The following ERBB4 variants were observed in gnomAD, a reference collection of about 807,000 sequenced individuals.
ERBB4 encodes the protein receptor tyrosine-protein kinase erbB-4.
Under a neutral mutation model 158.0 loss-of-function variants are expected in ERBB4, and 42 were observed. The ratio of observed to expected loss-of-function variants is 0.27; its 90% CI spans 0.21 to 0.34. The LOEUF (loss-of-function observed/expected upper bound fraction) is 0.34. Ranked by LOEUF, ERBB4 falls within the 10% of genes least tolerant of loss-of-function variation. The probability of loss-of-function intolerance (pLI) is 1.00; values close to 1 mark genes in which losing one functional copy is unlikely to be tolerated. For synonymous variants in ERBB4, 583 were observed against 558.7 expected, an observed-to-expected ratio of 1.04 and a Z score of -0.61; for missense variants, 1,333 against 1,624.1, an observed-to-expected ratio of 0.82 and a Z score of 3.08.
chr2:211,548,151 T>G (rs1559283532), intron 20 of ERBB4, among the ~76,000 whole-genome samples: 1 of 152,066 alleles, frequency 6.6e-6, no homozygotes, highest in Non-Finnish European at 1.5e-5. Flanking sequence ...TTACTACCCT[T>G]TAAATATTGT....
chr2:212,162,170 G>A (rs1315995240), intron 1 of ERBB4, among the ~76,000 whole-genome samples: 1 of 151,574 alleles, frequency 6.6e-6, no homozygotes, highest in Non-Finnish European at 1.5e-5. Flanking sequence ...TAACAGCCTA[G>A]GTATAAATCA....
intron 1 of ERBB4, among the ~76,000 whole-genome samples, chr2:212,526,329 G>GA (rs1035602220): frequency 2.4e-4 from 37 of 151,994 alleles, no homozygotes; most frequent in Non-Finnish European, 4.6e-4. Context: ...AGTAAGCACA[G>GA]AAAAAAATAA....
chr2:212,090,192 C>G (rs2078730864), intron 2 of ERBB4, among the ~76,000 whole-genome samples: 1 of 151,446 alleles, frequency 6.6e-6, no homozygotes, highest in Non-Finnish European at 1.5e-5. Flanking sequence ...ATAAACTCTA[C>G]CAAATCTCCT....
At chr2:211,919,168 T>C (rs575470948) in intron 3 of ERBB4, among the ~76,000 whole-genome samples, 1 of 152,198 alleles carries the variant, frequency 6.6e-6, no homozygotes, top group South Asian at 2.1e-4. Flanking sequence ...ATTCAGCTTT[T>C]TATGGGGCAG....
At chr2:212,139,661 T>C (rs980383818) in intron 1 of ERBB4, among the ~76,000 whole-genome samples, 1 of 151,950 alleles carries the variant, frequency 6.6e-6, no homozygotes, top group African/African-American at 2.4e-5. Flanking sequence ...TTTCTGAGAG[T>C]CTAAATTATA....
chr2:211,793,293 A>G (rs1419843459), intron 3 of ERBB4, among the ~76,000 whole-genome samples: 2 of 151,944 alleles, frequency 1.3e-5, no homozygotes, highest in African/African-American at 4.8e-5. Context: ...GATCTAATAA[A>G]CAGGAATGAA....
intron 1 of ERBB4, among the ~76,000 whole-genome samples, chr2:212,236,422 ATTTTCTTC>A (rs1291709569): frequency 1.3e-5 from 2 of 152,060 alleles, no homozygotes; most frequent in Admixed American, 1.3e-4. Flanking sequence ...GTGGCCTGAA[ATTTTCTTC>A]TTTTGTGGTG....
intron 2 of ERBB4, among the ~76,000 whole-genome samples, chr2:212,085,641 A>C (rs2125478930): frequency 6.6e-6 from 1 of 152,054 alleles, no homozygotes; most frequent in African/African-American, 2.4e-5. Flanking sequence ...GAATAGATTA[A>C]AAATAAAACT....
chr2:211,863,953 G>A (rs2078136483), intron 3 of ERBB4, among the ~76,000 whole-genome samples: 1 of 152,082 alleles, frequency 6.6e-6, no homozygotes, highest in African/African-American at 2.4e-5. Flanking sequence ...CATAGAGAGG[G>A]CTTGGAGGTA....
At chr2:211,514,738 T>C (rs1305872985) in intron 20 of ERBB4, among the ~76,000 whole-genome samples, 2 of 152,208 alleles carry the variant, frequency 1.3e-5, no homozygotes, top group South Asian at 2.1e-4. Context: ...GGGGCAGACA[T>C]GTTTCAGATT....
intron 1 of ERBB4, among the ~76,000 whole-genome samples, chr2:212,229,709 T>G (rs1285540358): frequency 6.6e-6 from 1 of 151,982 alleles, no homozygotes; most frequent in South Asian, 2.1e-4. Context: ...ATAATGAGGA[T>G]CTAAGCAACA....
Position 211,809,466 on chromosome 2 carries a change from T to C in ERBB4, c.422-21307A>G, listed in dbSNP as rs543096311. Among the ~76,000 whole-genome samples the C allele has an allele frequency of 9.1e-4, 139 of 152,206 alleles. 1 individual carries two copies. Among genetic ancestry groups the C allele is most frequent in the Non-Finnish European group, 1.7e-3 (117 of 68,040 alleles). On this transcript the variant is annotated intron_variant, in intron 3 of 27. Transcript: ENST00000342788. Reference sequence around the variant, plus strand: ...TATCCATTTCTTCTAGATTGTCCAGTTTATTTGCATAGAGGTGTTTATAGT... The same window carrying C: ...TATCCATTTCTTCTAGATTGTCCAGCTTATTTGCATAGAGGTGTTTATAGT...
chr2:211,715,037 C>A (rs186053296), intron 7 of ERBB4, among the ~76,000 whole-genome samples: 1 of 152,278 alleles, frequency 6.6e-6, no homozygotes, highest in Non-Finnish European at 1.5e-5. Flanking sequence ...CTCTGTCTGC[C>A]ATCTCACCTA....
intron 1 of ERBB4, among the ~76,000 whole-genome samples, chr2:212,186,743 T>A (rs2125700526): frequency 6.6e-6 from 1 of 152,254 alleles, no homozygotes; most frequent in East Asian, 1.9e-4. Flanking sequence ...GAGAGGTTTG[T>A]TTTATTTTTT....
At chr2:212,017,988 A>G (rs2076566145) in intron 2 of ERBB4, among the ~76,000 whole-genome samples, 1 of 152,176 alleles carries the variant, frequency 6.6e-6, no homozygotes. Context: ...GAGGACAACC[A>G]TATGGGAGAT....
chr2:211,499,387 G>T (rs1229564530), intron 20 of ERBB4, among the ~76,000 whole-genome samples: 4 of 151,976 alleles, frequency 2.6e-5, no homozygotes. Context: ...GCTGGGTGTG[G>T]TGGTGTGTGC....
intron 5 of ERBB4, 127 bp downstream of exon 5, chr2:211,750,512 A>G: frequency 1.2e-6 from 1 of 822,100 alleles, no homozygotes; most frequent in Admixed American, 1.9e-5. Context: ...TCTTGGCCCA[A>G]AGCAAATCAA....
intron 20 of ERBB4, among the ~76,000 whole-genome samples, chr2:211,445,266 G>A (rs139411742): frequency 9.8e-4 from 149 of 152,214 alleles, no homozygotes; most frequent in African/African-American, 3.4e-3. Context: ...GATCAATTGG[G>A]ATACTATAAT....
rs1196602124 is a variant in ERBB4 at position 211,772,947 on chromosome 2, A to ATT, written c.556+15077_556+15078insAA. 2.0e-4 allele frequency among the ~76,000 whole-genome samples: 16 copies of ATT among 81,718 alleles called. 4 individuals carry two copies. Among genetic ancestry groups the ATT allele is most frequent in the African/African-American group, 9.0e-4 (13 of 14,506 alleles). The allele number at this position is 81,718 out of a possible 152,430, so 53.6% of individuals were successfully genotyped here. A position where few individuals can be genotyped will look rare whatever the true frequency, so the allele number is the denominator to read the frequency against. On this transcript the variant is annotated intron_variant, in intron 4 of 27. Coordinates refer to ENST00000342788, the MANE Select transcript of ERBB4 (RefSeq NM_005235.3). ...CACATATATATATATATATATATAT[A>ATT]TATATATATTTTTTTTTTTAAAGAT...
Sources: gnomAD v4.1 joint callset for allele counts (sites outside exome capture counted in the v4.1 genomes callset) on GRCh38, gnomAD v4.1.1 for gene constraint, MANE v1.5 for transcripts, NCBI Gene and HGNC (gene_info 2026-07-23, HGNC 2026-07-21) for gene names.